Variants in FKBP5 observed in about 807,000 individuals in gnomAD.
The protein encoded by FKBP5 is peptidyl-prolyl cis-trans isomerase FKBP5.
FKBP5 carries 23 observed loss-of-function variants against 50.5 expected under a neutral mutation model. The ratio of observed to expected loss-of-function variants is 0.46; its 90% confidence interval spans 0.33 to 0.65. The LOEUF is 0.65. Ranked by LOEUF, FKBP5 falls within the 30% of genes least tolerant of loss-of-function variation. The pLI is 0.02. For synonymous variants in FKBP5, 176 were observed against 190.6 expected (o/e 0.92, Z 0.63); for missense variants, 411 against 553.1 (o/e 0.74, Z 2.58).
intron 1 of FKBP5, among the ~76,000 whole-genome samples, chr6:35,725,992 T>C (rs1338739113): frequency 3.3e-5 from 5 of 152,196 alleles, no homozygotes; most frequent in African/African-American, 1.2e-4. Context: ...CTGTACCCTG[T>C]TCCTCTCAGC....
intron 9 of FKBP5, 121 bp downstream of exon 9, chr6:35,579,915 A>G: frequency 1.4e-6 from 1 of 713,810 alleles, no homozygotes. Flanking sequence ...CAAACATTCA[A>G]ATAAATAAAA....
intron 1 of FKBP5, among the ~76,000 whole-genome samples, chr6:35,684,774 C>T (rs944941420): frequency 5.3e-5 from 8 of 152,278 alleles, no homozygotes; most frequent in Middle Eastern, 6.8e-3. Context: ...CACTTATAAT[C>T]CCAGCACTTT....
At chr6:35,697,338 G>A (rs543678617) in intron 2 of FKBP5, among the ~76,000 whole-genome samples, 4 of 151,916 alleles carry the variant, frequency 2.6e-5, no homozygotes, top group African/African-American at 4.8e-5. Flanking sequence ...ACCTGAGGTC[G>A]GGAGTTCAAG....
intron 1 of FKBP5, among the ~76,000 whole-genome samples, chr6:35,656,858 C>T (rs191631236): frequency 1.4e-5 from 2 of 142,794 alleles, no homozygotes; most frequent in African/African-American, 5.3e-5. Context: ...GATCGTGCCA[C>T]TGCACTCCAG....
intron 1 of FKBP5, among the ~76,000 whole-genome samples, chr6:35,657,080 T>A (rs1378571556): frequency 1.3e-5 from 2 of 149,588 alleles, no homozygotes; most frequent in African/African-American, 2.5e-5. Context: ...CCGGGAGTGG[T>A]GGCGGGCGCC....
At chr6:35,671,391 T>C (rs1765385151) in intron 1 of FKBP5, among the ~76,000 whole-genome samples, 1 of 151,864 alleles carries the variant, frequency 6.6e-6, no homozygotes, top group Non-Finnish European at 1.5e-5. Context: ...AATATAGTCA[T>C]ATTAAAAATG....
At chr6:35,713,077 TAAAAAAAAAA>T (rs34258638) in intron 2 of FKBP5, among the ~76,000 whole-genome samples, 2 of 52,990 alleles carry the variant, frequency 3.8e-5, no homozygotes, top group African/African-American at 8.6e-5. Flanking sequence ...ATCTGGTCTC[TAAAAAAAAAA>T]AAAAAAAAAA....
chr6:35,583,986 G>A (rs1762524437), intron 8 of FKBP5: 1 of 985,224 alleles, frequency 1.0e-6, no homozygotes. Context: ...TTTCTTCCCA[G>A]GAGAAGCACA....
intron 2 of FKBP5, among the ~76,000 whole-genome samples, chr6:35,714,207 T>C (rs1262465415): frequency 2.0e-5 from 3 of 147,420 alleles, no homozygotes; most frequent in Non-Finnish European, 3.0e-5. Flanking sequence ...ATCCCAGCAC[T>C]TTGGGAGGCT....
At chr6:35,689,192 G>A (rs1157693022), upstream of FKBP5, among the ~76,000 whole-genome samples, 3 of 152,214 alleles carry the variant, frequency 2.0e-5, no homozygotes, top group African/African-American at 7.2e-5. Flanking sequence ...GGTGGAAACT[G>A]ACACCCCCTC....
At chr6:35,655,697 G>A (rs981498069) in intron 1 of FKBP5, among the ~76,000 whole-genome samples, 1 of 152,124 alleles carries the variant, frequency 6.6e-6, no homozygotes, top group Non-Finnish European at 1.5e-5. Context: ...AAGAATCAGT[G>A]CTGAAATACC....
chr6:35,589,083 T>C (rs1482119916), intron 7 of FKBP5, among the ~76,000 whole-genome samples: 3 of 137,672 alleles, frequency 2.2e-5, no homozygotes, highest in South Asian at 4.3e-4. Flanking sequence ...TATATTTATA[T>C]ATATATTTTT....
At chr6:35,586,745 C>G (rs1762612325) in intron 8 of FKBP5, 6 of 1,307,582 alleles carry the variant, frequency 4.6e-6, no homozygotes, top group Non-Finnish European at 5.9e-6. Flanking sequence ...AAGCAAGATG[C>G]TTTAGGAGTG....
chr6:35,642,737 C>A lies in FKBP5; in HGVS notation c.88G>T (p.Asp30Tyr). The A allele has an allele frequency of 6.2e-7, 1 of 1,613,872 alleles. No individual in the cohort carries two copies. The highest frequency in any genetic ancestry group is 8.5e-7 in the Non-Finnish European group (1 of 1,179,880). Reference protein sequence around the residue: ...EQGEDITSKKDRGVLKIVKRV... With the variant: ...EQGEDITSKKYRGVLKIVKRV... ...GGCCTCACCTTTAATACTCCCCTGT[C>A]TTTTTTGGAGGTAATATCCTCTCCC... is the stretch of plus-strand genomic sequence containing the variant. Residue 30 changes from aspartate (D) to tyrosine (Y), a missense_variant, in exon 2 of 11, where the codon GAC (aspartate) becomes TAC (tyrosine). By Grantham distance (160) the Asp-to-Tyr change is radical. Transcript: ENST00000357266.
upstream of FKBP5, among the ~76,000 whole-genome samples, chr6:35,693,837 T>C (rs962443172): frequency 6.6e-6 from 1 of 151,484 alleles, no homozygotes; most frequent in Non-Finnish European, 1.5e-5. Context: ...TGGTTCTTTT[T>C]CAAATCTGCT....
intron 3 of FKBP5, among the ~76,000 whole-genome samples, chr6:35,625,002 T>C (rs1328838750): frequency 6.6e-6 from 1 of 152,178 alleles, no homozygotes; most frequent in Non-Finnish European, 1.5e-5. Context: ...AGAGCATCAA[T>C]TAGTCTGGAG....
chr6:35,604,860 G>A (rs998216306), intron 5 of FKBP5, among the ~76,000 whole-genome samples: 6 of 149,522 alleles, frequency 4.0e-5, no homozygotes, highest in Admixed American at 2.0e-4. Flanking sequence ...GTGTGATCTC[G>A]GCTCACTACA....
chr6:35,591,169 AG>A lies in FKBP5; in HGVS notation c.716del (p.Ala239ValfsTer50). On this transcript the variant is annotated frameshift_variant, in exon 7 of 11. Transcript: ENST00000357266. LOFTEE classifies it high-confidence loss of function. ...TAAGTGTAACTTCATATATAAGCTC[AG>A]CATTAGGTTCAATGCCAAATTTAGG... ...GKPKFGIEPN[A>X]ELIYEVTLKS... The A allele has an allele frequency of 6.2e-7, 1 of 1,613,246 alleles. No individual in the cohort carries two copies.
At chr6:35,683,002 G>T (rs970738819) in intron 1 of FKBP5, among the ~76,000 whole-genome samples, 2 of 150,304 alleles carry the variant, frequency 1.3e-5, no homozygotes, top group Non-Finnish European at 3.0e-5. Flanking sequence ...TAAAATGTAT[G>T]TATGTGTCTG....
Sources: gnomAD v4.1 joint callset for allele counts (sites outside exome capture counted in the v4.1 genomes callset) on GRCh38, gnomAD v4.1.1 for gene constraint, MANE v1.5 for transcripts, NCBI Gene and HGNC (gene_info 2026-07-23, HGNC 2026-07-21) for gene names.